The following NSD3 variants were observed in gnomAD, a reference collection of about 807,000 sequenced individuals.
NSD3 encodes nuclear receptor binding SET domain protein 3.
NSD3 carries 24 observed loss-of-function variants against 160.8 expected under a neutral mutation model. The ratio of observed to expected loss-of-function variants is 0.15; its 90% CI spans 0.11 to 0.21. The LOEUF (loss-of-function observed/expected upper bound fraction) is 0.21, where lower values mean the gene tolerates loss of function less well. Ranked by LOEUF, NSD3 falls within the 10% of genes least tolerant of loss-of-function variation. The pLI, the probability that NSD3 is intolerant of heterozygous loss-of-function variation, is 1.00. For synonymous variants in NSD3, 520 were observed against 600.0 expected (o/e 0.87, Z 1.95); for missense variants, 1,157 against 1,735.9 (o/e 0.67, Z 5.93).
chr8:38,305,582 T>A, intron 12 of NSD3, 137 bp from the exon 13 acceptor site: 2 of 726,202 alleles, frequency 2.8e-6, no homozygotes, highest in Non-Finnish European at 4.2e-6. Context: ...ACAAAAAAAA[T>A]TTAAAATAAA....
chr8:38,291,345 A>G (rs1808993434), intron 16 of NSD3, among the ~76,000 whole-genome samples: 1 of 152,248 alleles, frequency 6.6e-6, no homozygotes. Context: ...GACAGTTTCT[A>G]GCAAGCAGAC....
intron 1 of NSD3, among the ~76,000 whole-genome samples, chr8:38,366,249 T>C (rs1376278892): frequency 6.6e-6 from 1 of 151,928 alleles, no homozygotes; most frequent in Non-Finnish European, 1.5e-5. Context: ...TTCAAACAAC[T>C]ATTACTGATA....
At chr8:38,348,480 C>T (rs1466720272) in intron 1 of NSD3, among the ~76,000 whole-genome samples, 3 of 152,126 alleles carry the variant, frequency 2.0e-5, no homozygotes, top group Admixed American at 1.3e-4. Flanking sequence ...CACCAACACA[C>T]GAAATAGTTT....
In NSD3 at chr8:38,280,618, G is replaced by C. The variant is rs185596125; in HGVS notation, c.3618+849C>G. ...TATCATGGCTGGACATCAGCTTCTT[G>C]TCCTCTGTAAATCAGAGAACTGACA... On this transcript the variant is annotated intron_variant, in intron 20 of 23. Coordinates refer to ENST00000317025, the MANE Select transcript of NSD3 (RefSeq NM_023034.2). 1.6e-3 allele frequency among the ~76,000 whole-genome samples: 242 copies of C among 152,166 alleles called. 2 individuals are homozygous for C. Among genetic ancestry groups the C allele is most frequent in the African/African-American group, 5.5e-3 (227 of 41,524 alleles).
Position 38,316,852 on chromosome 8 carries a change from A to C in NSD3, c.1856-810T>G, listed in dbSNP as rs770024889. On this transcript the variant is annotated intron_variant, in intron 9 of 23. Transcript: ENST00000317025. The surrounding 1 kb of genome is among the most constrained non-coding windows in gnomAD (Gnocchi z 4.5). ...GTGTAATACAAATCCAGCCAAAACAATAGTGCAAAAAGTTACAAAGCAACA... is the reference window on the plus strand; with the variant it reads ...GTGTAATACAAATCCAGCCAAAACACTAGTGCAAAAAGTTACAAAGCAACA... The C allele has an allele frequency of 1.9e-6, 2 of 1,062,768 alleles. No individual in the cohort carries two copies. Among genetic ancestry groups the C allele is most frequent in the Non-Finnish European group, 2.3e-6 (2 of 877,500 alleles). The allele number at this position is 1,062,768 out of a possible 1,614,324, so 65.8% of individuals were successfully genotyped here.
chr8:38,376,362 T>C (rs1232910325), intron 1 of NSD3, among the ~76,000 whole-genome samples: 1 of 152,058 alleles, frequency 6.6e-6, no homozygotes, highest in Non-Finnish European at 1.5e-5. Flanking sequence ...CCCCTTTAAC[T>C]CTTTCTACTA....
Position 38,318,072 on chromosome 8 carries a change from C to T in NSD3, c.1855+823G>A. The T allele has an allele frequency of 1.2e-6, 2 of 1,613,354 alleles. No homozygotes were observed. The highest frequency in any genetic ancestry group is 1.3e-5 in the African/African-American group (1 of 75,012). On this transcript the variant is annotated intron_variant, in intron 9 of 23. Transcript: ENST00000317025. This position sits in a 1 kb window ranked among gnomAD's most constrained non-coding sequence, Gnocchi z 5.3. ...TGGTGGAAACACAACGCAATCAGGC[C>T]TCCTAATCTCGCAGCGATCGCGATG...
At chr8:38,360,901 A>G (rs564351648) in intron 1 of NSD3, among the ~76,000 whole-genome samples, 2 of 152,382 alleles carry the variant, frequency 1.3e-5, no homozygotes, top group East Asian at 3.9e-4. Context: ...CTCCATCTAT[A>G]TATAATAAAC....
intron 4 of NSD3, among the ~76,000 whole-genome samples, chr8:38,331,893 C>T (rs1417268558): frequency 6.6e-6 from 1 of 152,166 alleles, no homozygotes; most frequent in African/African-American, 2.4e-5. Context: ...ACAAAATAGT[C>T]ATTTTTCATA....
intron 10 of NSD3, 122 bp downstream of exon 10, chr8:38,315,790 A>T (rs1809647309): frequency 1.4e-6 from 2 of 1,418,506 alleles, no homozygotes; most frequent in Non-Finnish European, 1.9e-6. Context: ...AAGACACTCA[A>T]AATAAACAAA....
At chr8:38,326,324 A>T (rs1336113992) in intron 7 of NSD3, among the ~76,000 whole-genome samples, 3 of 152,222 alleles carry the variant, frequency 2.0e-5, no homozygotes, top group African/African-American at 7.2e-5. Flanking sequence ...TAGCACAACT[A>T]GGAATAATGA....
chr8:38,297,115 T>C (rs985329171), intron 15 of NSD3, among the ~76,000 whole-genome samples: 3 of 152,234 alleles, frequency 2.0e-5, no homozygotes, highest in Non-Finnish European at 4.4e-5. Flanking sequence ...CTCTTCTGAC[T>C]TCATATTGAG....
chr8:38,364,524 G>A (rs1052659009), intron 1 of NSD3, among the ~76,000 whole-genome samples: 1 of 152,138 alleles, frequency 6.6e-6, no homozygotes, highest in Admixed American at 6.5e-5. Context: ...ATACTCTGGA[G>A]TTTACTCTCA....
chr8:38,325,098 A>T (rs1809876174), intron 7 of NSD3, among the ~76,000 whole-genome samples: 1 of 152,254 alleles, frequency 6.6e-6, no homozygotes, highest in Non-Finnish European at 1.5e-5. Context: ...GGAGGGGGTC[A>T]CGAGAACCTC....
chr8:38,377,292 G>A (rs1184844983), intron 1 of NSD3, among the ~76,000 whole-genome samples: 2 of 151,778 alleles, frequency 1.3e-5, no homozygotes, highest in Non-Finnish European at 2.9e-5. Flanking sequence ...GACCTCAAGT[G>A]ATCCTCCTGC....
At chr8:38,276,559 A>G (rs941702257) in intron 22 of NSD3, 59 bp from the exon 23 acceptor site, 1 of 1,577,950 alleles carries the variant, frequency 6.3e-7, no homozygotes, top group African/African-American at 1.3e-5. Flanking sequence ...GAAGCTGGAC[A>G]CAGGAAAACC....
intron 1 of NSD3, among the ~76,000 whole-genome samples, chr8:38,350,957 T>C (rs1810679180): frequency 6.6e-6 from 1 of 151,494 alleles, no homozygotes; most frequent in African/African-American, 2.4e-5. Context: ...CCAACAAACA[T>C]TTCTTCTAGA....
rs10089177 is a variant in NSD3 at position 38,311,197 on chromosome 8, G to A, written c.2242+3450C>T. Among the ~76,000 whole-genome samples the A allele has an allele frequency of 6.7e-3, 1,015 of 151,704 alleles. 10 individuals carry two copies. Among genetic ancestry groups the A allele is most frequent in the African/African-American group, 0.023 (965 of 41,356 alleles). On this transcript the variant is annotated intron_variant, in intron 12 of 23. Transcript: ENST00000317025. ...CCCAGTGTGCTAGGATTACAGGCATGAGCCATTGCACCTGGCCCCCTGATT... is the reference window on the plus strand; with the variant it reads ...CCCAGTGTGCTAGGATTACAGGCATAAGCCATTGCACCTGGCCCCCTGATT...
rs1230637197 is a variant in NSD3 at position 38,350,825 on chromosome 8, T to A, written c.-44-2610A>T. 1.1e-4 allele frequency among the ~76,000 whole-genome samples: 17 copies of A among 152,280 alleles called. No individual in the cohort carries two copies. The East Asian group carries it at 3.3e-3, about 29-fold the overall frequency. On this transcript the variant is annotated intron_variant, in intron 1 of 23. Transcript: ENST00000317025. ...AGATGCCTACATTATGTAATAACGT[T>A]ACAATATAGATAAGTATCTGTTAGA...
Sources: gnomAD v4.1 joint callset for allele counts (sites outside exome capture counted in the v4.1 genomes callset) on GRCh38, gnomAD v4.1.1 for gene constraint, Gnocchi (gnomAD v3.1) non-coding constraint, MANE v1.5 for transcripts, NCBI Gene and HGNC (gene_info 2026-07-23, HGNC 2026-07-21) for gene names.